The following CNBD1 variants were observed in gnomAD, a reference collection of about 807,000 sequenced individuals.
CNBD1 encodes the protein cyclic nucleotide binding domain containing 1, also known as cyclic nucleotide-binding domain-containing protein 1.
Under a neutral mutation model 54.4 loss-of-function variants are expected in CNBD1, and 71 were observed. That is an observed-to-expected ratio of 1.30 (90% CI 1.08 to 1.59). CNBD1 has a LOEUF of 1.59. Ranked by LOEUF, CNBD1 falls within the 40% of genes most tolerant of loss-of-function variation. The pLI, the probability that CNBD1 is intolerant of heterozygous loss-of-function variation, is 0.00. For synonymous variants in CNBD1, 182 were observed against 170.7 expected (o/e 1.07, Z -0.51); for missense variants, 659 against 518.0 (o/e 1.27, Z -2.64).
chr8:87,167,308 T>C (rs749128001), intron 4 of CNBD1, among the ~76,000 whole-genome samples: 3 of 151,956 alleles, frequency 2.0e-5, no homozygotes, highest in Non-Finnish European at 4.4e-5. Context: ...ACATTGATCA[T>C]TTTTTTGTGT....
At chr8:87,047,485 C>G (rs1810220283) in intron 4 of CNBD1, among the ~76,000 whole-genome samples, 1 of 152,154 alleles carries the variant, frequency 6.6e-6, no homozygotes, top group Non-Finnish European at 1.5e-5. Flanking sequence ...GGGTCAAAGA[C>G]TAAAAAGCAT....
At chr8:87,392,782 A>C (rs75365337) in intron 2 of CNBD1, among the ~76,000 whole-genome samples, 2,871 of 152,040 alleles carry the variant, frequency 0.019, 93 homozygotes, top group African/African-American at 0.063. Flanking sequence ...TAAATTGTTC[A>C]CTTCCAAATG....
intron 5 of CNBD1, 49 bp downstream of exon 5, chr8:87,206,187 T>TA (rs757193695): frequency 7.3e-7 from 1 of 1,373,842 alleles, no homozygotes; most frequent in Admixed American, 2.7e-5. Context: ...TGCAGGCCAC[T>TA]GTTTCGAGTT....
intron 1 of CNBD1, among the ~76,000 whole-genome samples, chr8:86,876,631 G>A (rs2131773979): frequency 6.6e-6 from 1 of 150,612 alleles, no homozygotes; most frequent in African/African-American, 2.4e-5. Flanking sequence ...TGAGTTAAAA[G>A]CTAATTTTTT....
chr8:87,290,938 T>C (rs1808773393), intron 8 of CNBD1, among the ~76,000 whole-genome samples: 3 of 152,160 alleles, frequency 2.0e-5, no homozygotes, highest in Non-Finnish European at 4.4e-5. Context: ...ATGTGTCTGT[T>C]TGCTTATTTT....
chr8:87,256,536 G>A (rs576054471), intron 6 of CNBD1, among the ~76,000 whole-genome samples: 1 of 151,964 alleles, frequency 6.6e-6, no homozygotes, highest in South Asian at 2.1e-4. Context: ...CCTGGCAGCA[G>A]AAGGTGTTCC....
intron 4 of CNBD1, among the ~76,000 whole-genome samples, chr8:86,953,759 C>T (rs1006692046): frequency 3.9e-5 from 6 of 152,094 alleles, no homozygotes; most frequent in Non-Finnish European, 8.8e-5. Flanking sequence ...CCCAGCTACT[C>T]AGGAGGCTGA....
At chr8:87,053,588 A>C (rs1231524334) in intron 4 of CNBD1, among the ~76,000 whole-genome samples, 2 of 152,138 alleles carry the variant, frequency 1.3e-5, no homozygotes, top group Non-Finnish European at 2.9e-5. Flanking sequence ...TAACCTTTGT[A>C]GATGCTGCCC....
intron 4 of CNBD1, among the ~76,000 whole-genome samples, chr8:87,104,539 G>A (rs1811494475): frequency 6.6e-6 from 1 of 152,154 alleles, no homozygotes; most frequent in Admixed American, 6.5e-5. Flanking sequence ...GAATAAGTTG[G>A]TTGATGAGAC....
Position 86,980,238 on chromosome 8 carries a change from G to A in CNBD1, c.431+40484G>A, listed in dbSNP as rs970809658. Among the ~76,000 whole-genome samples the A allele has an allele frequency of 3.5e-4, 53 of 152,222 alleles. 1 individual carries two copies. Among genetic ancestry groups the A allele is most frequent in the Non-Finnish European group, 2.5e-4 (17 of 68,044 alleles). On this transcript the variant is annotated intron_variant, in intron 4 of 10. Coordinates refer to ENST00000518476, the MANE Select transcript of CNBD1 (RefSeq NM_173538.3). Reference sequence around the variant, plus strand: ...TGAGTGTTTCCCAGACCTCCAAGGTGCTTATTTCCTTGACTGGGAGAAGTA... The same window carrying A: ...TGAGTGTTTCCCAGACCTCCAAGGTACTTATTTCCTTGACTGGGAGAAGTA...
chr8:87,331,367 C>T (rs1809826928), intron 8 of CNBD1, among the ~76,000 whole-genome samples: 1 of 152,188 alleles, frequency 6.6e-6, no homozygotes, highest in Admixed American at 6.5e-5. Context: ...CCAGTTTCAT[C>T]AAAGTCCCTG....
At chr8:86,884,109 G>A (rs1586109971) in intron 1 of CNBD1, among the ~76,000 whole-genome samples, 1 of 150,596 alleles carries the variant, frequency 6.6e-6, no homozygotes, top group African/African-American at 2.4e-5. Context: ...CCGAGATCCC[G>A]CCACTGCACT....
chr8:86,911,521 T>C (rs1388257569), intron 3 of CNBD1, among the ~76,000 whole-genome samples: 3 of 152,190 alleles, frequency 2.0e-5, no homozygotes, highest in Non-Finnish European at 4.4e-5. Context: ...TTGATAAATT[T>C]ATATTGTGTA....
intron 5 of CNBD1, among the ~76,000 whole-genome samples, chr8:87,235,007 T>G (rs1262234679): frequency 6.6e-6 from 1 of 152,218 alleles, no homozygotes; most frequent in South Asian, 2.1e-4. Flanking sequence ...CTGTTTCACC[T>G]TGCACTTTAT....
At chr8:87,100,253 G>C (rs1484336795) in intron 4 of CNBD1, among the ~76,000 whole-genome samples, 1 of 152,038 alleles carries the variant, frequency 6.6e-6, no homozygotes, top group Non-Finnish European at 1.5e-5. Flanking sequence ...TGTCATGCTA[G>C]CTAATCTGTG....
intron 4 of CNBD1, among the ~76,000 whole-genome samples, chr8:86,972,283 A>T (rs1341175462): frequency 6.6e-6 from 1 of 152,200 alleles, no homozygotes; most frequent in Non-Finnish European, 1.5e-5. Flanking sequence ...GTATTAAATA[A>T]TTATGACAAT....
intron 10 of CNBD1, among the ~76,000 whole-genome samples, chr8:87,367,951 C>A (rs1213855189): frequency 6.6e-6 from 1 of 151,994 alleles, no homozygotes; most frequent in Non-Finnish European, 1.5e-5. Context: ...GCAGGTGGAT[C>A]ACGAGGTCAG....
intron 5 of CNBD1, among the ~76,000 whole-genome samples, chr8:87,222,780 C>G (rs1270846829): frequency 2.0e-5 from 3 of 151,994 alleles, no homozygotes; most frequent in Non-Finnish European, 4.4e-5. Context: ...TAAACTTTCT[C>G]TAACTAGTAT....
chr8:87,276,426 G>T (rs949145744), intron 6 of CNBD1, among the ~76,000 whole-genome samples: 1 of 151,786 alleles, frequency 6.6e-6, no homozygotes, highest in South Asian at 2.1e-4. Flanking sequence ...ATGAGAAAAG[G>T]CTTGGATGCC....
Sources: allele counts gnomAD v4.1 joint callset (sites outside exome capture counted in the v4.1 genomes callset), GRCh38; gene constraint gnomAD v4.1.1; transcripts MANE v1.5; gene names NCBI Gene and HGNC (gene_info 2026-07-23, HGNC 2026-07-21).